Variants in GLI3 observed in about 807,000 individuals in gnomAD.
GLI3 encodes transcription activator GLI3.
Under a neutral mutation model 100.8 loss-of-function variants are expected in GLI3, and 20 were observed. That is an observed-to-expected ratio of 0.20 (90% CI 0.14 to 0.29). The LOEUF is 0.29. Among genes scored for constraint, GLI3 ranks in the 10% least tolerant of loss-of-function variants. The pLI is 1.00. For synonymous variants in GLI3, 938 were observed against 860.5 expected (o/e 1.09, Z -1.58); for missense variants, 2,040 against 2,128.5 (o/e 0.96, Z 0.82).
intron 7 of GLI3, among the ~76,000 whole-genome samples, chr7:42,030,532 C>T (rs1302848112): frequency 1.3e-5 from 2 of 152,122 alleles, no homozygotes; most frequent in African/African-American, 4.8e-5. Context: ...TTTCTTTCTG[C>T]AGCACTTCAA....
intron 3 of GLI3, among the ~76,000 whole-genome samples, chr7:42,132,245 C>CGCCCCGCCACCACGCCT (rs1554332096): frequency 5.5e-5 from 8 of 145,488 alleles, no homozygotes; most frequent in African/African-American, 8.1e-5. Flanking sequence ...GGACTACAGG[C>CGCCCCGCCACCACGCCT]GCCCGCCACT....
intron 3 of GLI3, among the ~76,000 whole-genome samples, chr7:42,140,464 TG>T (rs1310995515): frequency 6.6e-6 from 1 of 152,216 alleles, no homozygotes; most frequent in Non-Finnish European, 1.5e-5. Flanking sequence ...ATGAAAAGCC[TG>T]GCCCCCCTCA....
At chr7:42,229,169 TG>T (rs1476889300) in intron 1 of GLI3, among the ~76,000 whole-genome samples, 2 of 152,238 alleles carry the variant, frequency 1.3e-5, no homozygotes, top group Admixed American at 6.5e-5. Flanking sequence ...GCATCCTCCC[TG>T]AACAGCAGAC....
rs199887017 is a variant in GLI3 at position 41,964,703 on chromosome 7, G to A, written c.4370C>T (p.Ala1457Val). Residue 1457 changes from alanine (A) to valine (V), a missense_variant, in exon 15 of 15, where the codon GCT becomes GTT. Ala to Val is a moderately conservative substitution (Grantham distance 64). This residue lies in a region of GLI3 where 1,041 missense variants were observed against 924.0 expected (regional missense o/e 1.13). Coordinates refer to ENST00000395925, the MANE Select transcript of GLI3 (RefSeq NM_000168.6). ...TVGFSQQDTK[A>V]GSFSISDASC... ...GGCGTCTGAAATAGAGAATGAACCA[G>A]CTTTCGTGTCTTGCTGACTGAAGCC... 1 of 1,614,186 alleles carries A rather than the reference G, an allele frequency of 6.2e-7. No individual in the cohort carries two copies. Among genetic ancestry groups the A allele is most frequent in the Admixed American group, 1.7e-5 (1 of 60,036 alleles).
intron 3 of GLI3, among the ~76,000 whole-genome samples, chr7:42,116,648 T>A (rs1220521482): frequency 1.3e-5 from 2 of 152,158 alleles, no homozygotes; most frequent in African/African-American, 4.8e-5. Context: ...ACAGCATTGG[T>A]TACCGGAGAT....
chr7:42,169,962 A>T (rs1017536070), intron 2 of GLI3, among the ~76,000 whole-genome samples: 2 of 147,110 alleles, frequency 1.4e-5, no homozygotes, highest in Non-Finnish European at 3.0e-5. Context: ...CGCTAAAATT[A>T]AAAAAAAAAA....
intron 3 of GLI3, among the ~76,000 whole-genome samples, chr7:42,092,309 T>C (rs908260742): frequency 6.6e-6 from 1 of 151,996 alleles, no homozygotes; most frequent in Admixed American, 6.6e-5. Context: ...AACACCTCAT[T>C]AAGATAATTA....
At chr7:42,128,354 T>G (rs1786187330) in intron 3 of GLI3, among the ~76,000 whole-genome samples, 1 of 152,162 alleles carries the variant, frequency 6.6e-6, no homozygotes, top group Non-Finnish European at 1.5e-5. Flanking sequence ...TTAATCCATT[T>G]GGTTAAAAAA....
chr7:42,132,506 T>C (rs929307126), intron 3 of GLI3, among the ~76,000 whole-genome samples: 1 of 152,358 alleles, frequency 6.6e-6, no homozygotes, highest in East Asian at 1.9e-4. Context: ...GGTTTCTTTC[T>C]TGCTGGATCT....
At chr7:42,125,368 C>T (rs1786100075) in intron 3 of GLI3, among the ~76,000 whole-genome samples, 1 of 152,136 alleles carries the variant, frequency 6.6e-6, no homozygotes, top group Non-Finnish European at 1.5e-5. Context: ...AGCAGCAGAC[C>T]ACGGAGGAAG....
intron 13 of GLI3, among the ~76,000 whole-genome samples, chr7:41,968,928 A>T (rs186329249): frequency 4.1e-4 from 63 of 152,310 alleles, no homozygotes; most frequent in Middle Eastern, 3.4e-3. Flanking sequence ...AGACTCTATA[A>T]GACAATGCTG....
intron 6 of GLI3, among the ~76,000 whole-genome samples, chr7:42,044,948 C>T (rs1055550269): frequency 1.3e-5 from 2 of 152,040 alleles, no homozygotes; most frequent in African/African-American, 4.8e-5. Flanking sequence ...AGTGCAGTGG[C>T]GTGACCAAGA....
intron 1 of GLI3, among the ~76,000 whole-genome samples, chr7:42,233,865 TTTTG>T (rs899788313): frequency 8.9e-4 from 135 of 152,332 alleles, no homozygotes; most frequent in African/African-American, 3.1e-3. Flanking sequence ...GAGTGGAACC[TTTTG>T]TTTAACAAAC....
chr7:42,047,332 A>G (rs1784264693), intron 5 of GLI3, among the ~76,000 whole-genome samples: 1 of 152,234 alleles, frequency 6.6e-6, no homozygotes, highest in South Asian at 2.1e-4. Flanking sequence ...GAGACACTTC[A>G]TGCAGCTTCT....
intron 3 of GLI3, among the ~76,000 whole-genome samples, chr7:42,109,661 G>A (rs1198089055): frequency 3.9e-5 from 6 of 152,156 alleles, no homozygotes; most frequent in South Asian, 2.1e-4. Flanking sequence ...TTGTTTTCCC[G>A]GAACTGAAGC....
At chr7:42,158,263 CA>C (rs1320158766) in intron 2 of GLI3, among the ~76,000 whole-genome samples, 2 of 152,244 alleles carry the variant, frequency 1.3e-5, no homozygotes, top group Admixed American at 1.3e-4. Flanking sequence ...ACTGAATCTT[CA>C]CAGACCTGTC....
chr7:41,997,451 T>C (rs183313796), intron 10 of GLI3, among the ~76,000 whole-genome samples: 6 of 152,348 alleles, frequency 3.9e-5, no homozygotes, highest in African/African-American at 7.2e-5. Flanking sequence ...CTGACAATTC[T>C]GGCAGATGCC....
chr7:42,028,979 G>A (rs1789205123), intron 7 of GLI3, among the ~76,000 whole-genome samples: 1 of 152,044 alleles, frequency 6.6e-6, no homozygotes. Flanking sequence ...CCTTTTTGCT[G>A]GTAAAACCAG....
In GLI3 at chr7:42,148,382, C is replaced by T. The variant is rs143843875; in HGVS notation, c.211G>A (p.Val71Ile). 3.1e-4 allele frequency: 501 copies of T among 1,614,062 alleles called. 2 individuals carry two copies. Among genetic ancestry groups the T allele is most frequent in the Admixed American group, 6.3e-4 (38 of 60,008 alleles). ...CTCGATGTTGAAGGTTCCTCACTGA[C>T]TTTGCTGAGCCCCTGGACATTCTGT... is the stretch of plus-strand genomic sequence containing the variant. The part of the protein sequence containing the change: ...QPQNVQGLSK[V>I]SEEPSTSSDE... The change falls in exon 3 of 15, where the codon GTC becomes ATC. Residue 71 changes from valine (V) to isoleucine (I), a missense_variant. Val to Ile is a conservative substitution (Grantham distance 29). Transcript: ENST00000395925.
Sources: allele counts gnomAD v4.1 joint callset (sites outside exome capture counted in the v4.1 genomes callset), GRCh38; gene constraint gnomAD v4.1.1; regional missense constraint gnomAD v4.1.1; transcripts MANE v1.5; gene names NCBI Gene and HGNC (gene_info 2026-07-23, HGNC 2026-07-21).